The following KMT2C variants were observed in gnomAD, a reference collection of about 807,000 sequenced individuals.
KMT2C encodes histone-lysine N-methyltransferase 2C.
Under a neutral mutation model 507.9 loss-of-function variants are expected in KMT2C, and 88 were observed. The observed-to-expected ratio is 0.17, with a 90% CI of 0.15 to 0.21. The LOEUF is 0.21. Ranked by LOEUF, KMT2C falls within the 10% of genes least tolerant of loss-of-function variation. KMT2C has a pLI of 1.00. For missense variants in KMT2C, 4,954 were observed against 5,957.8 expected, an observed-to-expected ratio of 0.83 and a Z score of 5.55; for synonymous variants, 2,049 against 2,080.8, an observed-to-expected ratio of 0.98 and a Z score of 0.42.
At chr7:152,334,019 A>G (rs1396535648) in intron 2 of KMT2C, among the ~76,000 whole-genome samples, 1 of 152,228 alleles carries the variant, frequency 6.6e-6, no homozygotes, top group African/African-American at 2.4e-5. Context: ...TTTCTATGTG[A>G]CAAATGACCT....
intron 44 of KMT2C, 155 bp downstream of exon 44, chr7:152,158,708 G>T: frequency 1.4e-6 from 1 of 699,508 alleles, no homozygotes; most frequent in East Asian, 2.5e-5. Context: ...TAGAGATGAG[G>T]TTTTGCCATG....
intron 46 of KMT2C, among the ~76,000 whole-genome samples, chr7:152,155,527 T>C (rs1299077052): frequency 6.6e-6 from 1 of 152,188 alleles, no homozygotes; most frequent in Non-Finnish European, 1.5e-5. Context: ...TGCTCTTTCA[T>C]TTTAGACATC....
intron 1 of KMT2C, among the ~76,000 whole-genome samples, chr7:152,411,860 TC>T (rs1277609306): frequency 6.6e-6 from 1 of 152,326 alleles, no homozygotes; most frequent in East Asian, 1.9e-4. Context: ...TTGGGTTAAC[TC>T]CCTCAGTAAA....
chr7:152,201,291 C>CAG lies in KMT2C; in HGVS notation c.4092+1641_4092+1642dup, dbSNP rs1157362921. Among the ~76,000 whole-genome samples, 6 of 131,206 alleles carry CAG rather than the reference C, an allele frequency of 4.6e-5. No homozygotes were observed. The East Asian group carries it at 1.4e-3, about 30-fold the overall frequency. 86.1% of individuals were successfully genotyped at this position (131,206 alleles called of 152,430 possible). On this transcript the variant is annotated intron_variant, in intron 26 of 58. Coordinates refer to ENST00000262189, the MANE Select transcript of KMT2C (RefSeq NM_170606.3). ...CTCCCTCATGTCACACATACAGACA[C>CAG]AGACACACACACACACACACACACA... is the stretch of plus-strand genomic sequence containing the variant.
chr7:152,296,067 CAAAAAAAAAA>C (rs34144566), intron 6 of KMT2C, among the ~76,000 whole-genome samples: 2 of 45,430 alleles, frequency 4.4e-5, no homozygotes, highest in Non-Finnish European at 8.4e-5. Flanking sequence ...GACTCCGTCT[CAAAAAAAAAA>C]AAAAAAAAAA....
chr7:152,260,586 A>C (rs901200816), intron 9 of KMT2C, among the ~76,000 whole-genome samples: 7 of 152,186 alleles, frequency 4.6e-5, no homozygotes, highest in Non-Finnish European at 8.8e-5. Flanking sequence ...TTTAAAGTTA[A>C]GATTTTTCTT....
At chr7:152,415,658 A>T (rs1292380690) in intron 1 of KMT2C, among the ~76,000 whole-genome samples, 1 of 152,156 alleles carries the variant, frequency 6.6e-6, no homozygotes, top group Non-Finnish European at 1.5e-5. Flanking sequence ...AGGCGGGTGG[A>T]TCATGAGATC....
chr7:152,367,196 A>C lies in KMT2C; in HGVS notation c.162-8521T>G. The C allele has an allele frequency of 4.7e-6, 7 of 1,492,722 alleles. No individual in the cohort carries two copies. In the South Asian group the frequency reaches 4.8e-5, roughly 10 times the overall value. 92.5% of individuals were successfully genotyped at this position (1,492,722 alleles called of 1,614,324 possible). A position where few individuals can be genotyped will look rare whatever the true frequency, so the allele number is the denominator to read the frequency against. On this transcript the variant is annotated intron_variant, in intron 1 of 58. Transcript: ENST00000262189. ...ATGGTCTCCCACTCAGAGCTGAGGA[A>C]GCTTTTCTACTCAGCAGATGCAGTG...
chr7:152,187,868 C>T (rs1415398279), intron 31 of KMT2C, 21 bp from the exon 32 acceptor site: 1 of 1,612,454 alleles, frequency 6.2e-7, no homozygotes, highest in Admixed American at 1.7e-5. Flanking sequence ...AAAAATAATT[C>T]CGTTGGCATG....
chr7:152,397,755 C>T (rs776141110), intron 1 of KMT2C, among the ~76,000 whole-genome samples: 43 of 152,118 alleles, frequency 2.8e-4, no homozygotes, highest in Admixed American at 1.2e-3. Flanking sequence ...ATAAATCTCA[C>T]GAGATATGAT....
intron 22 of KMT2C, 21 bp from the exon 23 acceptor site, chr7:152,220,756 G>T: frequency 6.4e-7 from 1 of 1,553,516 alleles, no homozygotes; most frequent in Non-Finnish European, 8.9e-7. Flanking sequence ...AAAATCCCAA[G>T]GATACAAATT....
At chr7:152,357,463 C>T (rs1369809933) in intron 2 of KMT2C, among the ~76,000 whole-genome samples, 1 of 151,990 alleles carries the variant, frequency 6.6e-6, no homozygotes, top group African/African-American at 2.4e-5. Context: ...ATCCAGGAGG[C>T]AGAGCTTGCA....
chr7:152,176,250 T>G lies in KMT2C; in HGVS notation c.9203A>C (p.Gln3068Pro), dbSNP rs758267182. Reference sequence around the variant, plus strand: ...AATCATGGCTTGCATCTGTCTTTGCTGCTGCTGTTCTTGCCTTTCTTGATC... The same window carrying G: ...AATCATGGCTTGCATCTGTCTTTGCGGCTGCTGTTCTTGCCTTTCTTGATC... The part of the protein sequence containing the change: ...LLDQERQEQQ[Q>P]QRQMQAMIRQ... Residue 3068 changes from glutamine to proline, a missense_variant, in exon 38 of 59, where the codon CAG becomes CCG. Physicochemically the swap from Gln to Pro is moderately conservative, Grantham distance 76. This residue lies in a region of KMT2C where 1,689 missense variants were observed against 1,654.3 expected (regional missense o/e 1.02). Coordinates refer to ENST00000262189, the MANE Select transcript of KMT2C (RefSeq NM_170606.3). The G allele has an allele frequency of 6.2e-7, 1 of 1,614,048 alleles. No homozygotes were observed. The highest frequency in any genetic ancestry group is 1.1e-5 in the South Asian group (1 of 91,058).
chr7:152,368,179 G>A lies in KMT2C; in HGVS notation c.162-9504C>T, dbSNP rs552576192. On this transcript the variant is annotated intron_variant, in intron 1 of 58. Transcript: ENST00000262189. ...TTGGGGTGCTGCTGAAGTTGAAAAT[G>A]GTGAACATTGTGATTTTACAATTCT... 141 of 902,406 alleles carry A rather than the reference G, an allele frequency of 1.6e-4. 3 individuals carry two copies. The East Asian group carries it at 3.4e-3, about 22-fold the overall frequency. 55.9% of individuals were successfully genotyped at this position (902,406 alleles called of 1,614,324 possible).
At chr7:152,357,083 A>G (rs189224642) in intron 2 of KMT2C, among the ~76,000 whole-genome samples, 25 of 151,734 alleles carry the variant, frequency 1.6e-4, no homozygotes, top group South Asian at 6.3e-4. Flanking sequence ...CGAGTTATCC[A>G]GGCATGGTGG....
chr7:152,255,109 T>TTATATATATATATATATA (rs1207305132), intron 9 of KMT2C, among the ~76,000 whole-genome samples: 26 of 78,344 alleles, frequency 3.3e-4, no homozygotes, highest in Admixed American at 5.6e-4. Context: ...CAACTCTCAC[T>TTATATATATATATATATA]TATATATATA....
At chr7:152,368,409 A>C in intron 1 of KMT2C, 1 of 1,129,434 alleles carries the variant, frequency 8.9e-7, no homozygotes, top group Non-Finnish European at 1.3e-6. Flanking sequence ...TGAAGAAGAT[A>C]GAGATGGAGA....
intron 6 of KMT2C, among the ~76,000 whole-genome samples, chr7:152,274,510 C>G (rs533001634): frequency 2.0e-5 from 3 of 152,302 alleles, no homozygotes; most frequent in Admixed American, 2.0e-4. Flanking sequence ...GTAAAACGCA[C>G]AGAAATAAGC....
chr7:152,160,991 T>C (rs1787093819), intron 43 of KMT2C, among the ~76,000 whole-genome samples: 1 of 151,986 alleles, frequency 6.6e-6, no homozygotes, highest in Admixed American at 6.6e-5. Context: ...TGTCCAGACG[T>C]ATATAAGAAG....
Sources: allele counts gnomAD v4.1 joint callset (sites outside exome capture counted in the v4.1 genomes callset), GRCh38; gene constraint gnomAD v4.1.1; regional missense constraint gnomAD v4.1.1; transcripts MANE v1.5; gene names NCBI Gene and HGNC (gene_info 2026-07-23, HGNC 2026-07-21).